Variants in ASCC2 observed in about 807,000 individuals in gnomAD.
ASCC2 encodes the protein ASC-1 complex subunit P100.
A neutral mutation model predicts 93.5 loss-of-function variants in ASCC2; 42 were observed. The ratio of observed to expected loss-of-function variants is 0.45; its 90% CI spans 0.35 to 0.58. The LOEUF is 0.58. Ranked by LOEUF, ASCC2 falls within the 20% of genes least tolerant of loss-of-function variation. The pLI is 0.00. For synonymous variants in ASCC2, 364 were observed against 384.2 expected (o/e 0.95, Z 0.62); for missense variants, 859 against 977.6 (o/e 0.88, Z 1.62).
Position 29,825,956 on chromosome 22 carries a change from C to T in ASCC2, c.82-176G>A, listed in dbSNP as rs2062247010. Reference sequence around the variant, plus strand: ...AGGGCATGGTTGCATTCAGCGAACACTAGGCGGTAATTAAAATCCATGTTT... The same window carrying T: ...AGGGCATGGTTGCATTCAGCGAACATTAGGCGGTAATTAAAATCCATGTTT... On this transcript the variant is annotated intron_variant, in intron 2 of 19. Coordinates refer to ENST00000307790, the MANE Select transcript of ASCC2 (RefSeq NM_032204.5). This position sits in a 1 kb window ranked among gnomAD's most constrained non-coding sequence, Gnocchi z 4.9. 1.6e-6 allele frequency: 1 copy of T among 614,792 alleles called. No homozygotes were observed. The highest frequency in any genetic ancestry group is 2.9e-5 in the East Asian group (1 of 34,526). 38.1% of individuals were successfully genotyped at this position (614,792 alleles called of 1,614,324 possible).
rs750094453 is a variant in ASCC2 at position 29,793,622 on chromosome 22, C to T, written c.1743G>A (p.Ala581=). 19 of 1,604,782 alleles carry T rather than the reference C, an allele frequency of 1.2e-5. 1 individual carries two copies. Among genetic ancestry groups the T allele is most frequent in the South Asian group, 1.1e-4 (10 of 89,902 alleles). Residue 581 remains alanine (A), a synonymous_variant, in exon 16 of 20, where the codon GCG becomes GCA. Coordinates refer to ENST00000307790, the MANE Select transcript of ASCC2 (RefSeq NM_032204.5). ...ACTGCTCGTAGCGCTGCCGCTGTGC[C>T]GCCACTGCACGCTTGTCGTTCAGCA... ...RSLLNDKRAV[A]AQRQRYEQYS...
rs748278181 is a variant in ASCC2, at chr22:29,789,153, C to T, written c.2134G>A (p.Gly712Ser). 8 of 1,614,150 alleles carry T rather than the reference C, an allele frequency of 5.0e-6. 1 individual carries two copies. The highest frequency in any genetic ancestry group is 3.3e-4 in the Middle Eastern group (2 of 6,062). The change falls in exon 20 of 20, where the codon GGC (glycine) becomes AGC (serine). Residue 712 changes from glycine to serine, a missense_variant. Gly to Ser is a moderately conservative substitution (Grantham distance 56). Transcript: ENST00000307790. The part of the protein sequence containing the change: ...YRHDSSTAVA[G>S]SPRGHGQSRE... Reference sequence around the variant, plus strand: ...CTCTGCCCATGGCCTCGGGGGCTGCCGGCCACTGCTGTTGAGCTGTCATGC... The same window carrying T: ...CTCTGCCCATGGCCTCGGGGGCTGCTGGCCACTGCTGTTGAGCTGTCATGC...
intron 2 of ASCC2, 140 bp downstream of exon 2, chr22:29,832,105 C>T: frequency 1.4e-6 from 1 of 697,412 alleles, no homozygotes; most frequent in East Asian, 2.8e-5. Context: ...CTGGAAGAGA[C>T]TAGTAGTGTC....
At chr22:29,820,488 A>C (rs901894368) in intron 5 of ASCC2, among the ~76,000 whole-genome samples, 9 of 152,128 alleles carry the variant, frequency 5.9e-5, no homozygotes, top group African/African-American at 2.2e-4. Context: ...ATTATGATCA[A>C]GTATGGTTTA....
intron 8 of ASCC2, among the ~76,000 whole-genome samples, chr22:29,813,205 T>C (rs1230917665): frequency 6.6e-6 from 1 of 152,114 alleles, no homozygotes; most frequent in Non-Finnish European, 1.5e-5. Context: ...GTGTATTTTT[T>C]TTCCCTGCCC....
At position 29,808,218 on chromosome 22, in the gene ASCC2, T is replaced by G. The variant is rs774175264; in HGVS notation, c.834-33A>C. 5.6e-6 allele frequency: 9 copies of G among 1,606,044 alleles called. No individual in the cohort carries two copies. In the South Asian group the frequency reaches 9.9e-5, roughly 18 times the overall value. The stretch of plus-strand genomic sequence containing the variant: ...GGCACACACAGGGAAAATGTTGGAT[T>G]AGTTCATAAATACCACACTTCATAA... On this transcript the variant is annotated intron_variant, in intron 8 of 19. Coordinates refer to ENST00000307790, the MANE Select transcript of ASCC2 (RefSeq NM_032204.5).
At chr22:29,836,468 A>G (rs995227306) in intron 1 of ASCC2, 1 of 151,308 alleles carries the variant, frequency 6.6e-6, no homozygotes, top group East Asian at 2.0e-4. Flanking sequence ...TTTAAGTATG[A>G]GACAGACATG....
chr22:29,809,489 T>C (rs2060053495), intron 8 of ASCC2, among the ~76,000 whole-genome samples: 1 of 152,050 alleles, frequency 6.6e-6, no homozygotes, highest in African/African-American at 2.4e-5. Flanking sequence ...AAAACTTTTA[T>C]AAAATTAAGG....
intron 8 of ASCC2, chr22:29,809,938 T>A: frequency 6.6e-6 from 1 of 152,178 alleles, no homozygotes; most frequent in East Asian, 1.9e-4. Context: ...GGTACATCCA[T>A]ATCTGTCACG....
intron 4 of ASCC2, 147 bp from the exon 5 acceptor site, chr22:29,822,611 C>A: frequency 4.0e-6 from 3 of 744,568 alleles, no homozygotes; most frequent in Non-Finnish European, 6.0e-6. Flanking sequence ...AATGGCCATT[C>A]TCCCCCCGCC....
intron 4 of ASCC2, among the ~76,000 whole-genome samples, chr22:29,824,872 T>C (rs1404506000): frequency 1.3e-5 from 2 of 152,184 alleles, no homozygotes; most frequent in Non-Finnish European, 2.9e-5. Context: ...CCCTCGGCTC[T>C]CTTTGATGGA....
Position 29,808,118 on chromosome 22 carries a change from C to T in ASCC2, c.901G>A (p.Asp301Asn), listed in dbSNP as rs765362649. ...ATTTTGTCCCCGCCTCACTTGCTAT[C>T]TTCAAGCCTCCTCTTCTTAATTGCA... ...ESAIKKRRLE[D>N]SKLLGDLWQR... Residue 301 changes from aspartate (D) to asparagine (N), a missense_variant, in exon 9 of 20, where the codon GAT (aspartate) becomes AAT (asparagine). Transcript: ENST00000307790. 53 of 1,614,246 alleles carry T rather than the reference C, an allele frequency of 3.3e-5. No homozygotes were observed. The South Asian group carries it at 5.8e-4, about 18-fold the overall frequency.
intron 2 of ASCC2, among the ~76,000 whole-genome samples, chr22:29,826,461 G>A (rs2062339074): frequency 6.6e-6 from 1 of 151,844 alleles, no homozygotes; most frequent in Non-Finnish European, 1.5e-5. Context: ...GACTACAGGT[G>A]CACACCACCA....
At chr22:29,815,654 A>G (rs2147999438) in intron 6 of ASCC2, among the ~76,000 whole-genome samples, 1 of 152,266 alleles carries the variant, frequency 6.6e-6, no homozygotes, top group Admixed American at 6.5e-5. Context: ...ACATTATTTC[A>G]TGAAATAATT....
chr22:29,822,384 G>A lies in ASCC2; in HGVS notation c.492C>T (p.Leu164=), dbSNP rs1951410849. ...AGTTGCCTTTTCCAAAGAGCACGCA[G>A]AGGTCCAGGATCTTTGGAATGTCAA... The part of the protein sequence containing the change: ...FLFDIPKILD[L]CVLFGKGNSP... Residue 164 remains leucine, a synonymous_variant, in exon 5 of 20, where the codon CTC becomes CTT. Coordinates refer to ENST00000307790, the MANE Select transcript of ASCC2 (RefSeq NM_032204.5). The A allele has an allele frequency of 2.5e-6, 4 of 1,614,122 alleles. No individual in the cohort carries two copies. Among genetic ancestry groups the A allele is most frequent in the Non-Finnish European group, 3.4e-6 (4 of 1,180,026 alleles).
rs1302294322 is a variant in ASCC2 at position 29,832,511 on chromosome 22, G to A, written c.-17-169C>T. The A allele has an allele frequency of 5.8e-6, 3 of 520,686 alleles. No individual in the cohort carries two copies. In the African/African-American group the frequency reaches 5.8e-5, roughly 10 times the overall value. 32.3% of individuals were successfully genotyped at this position (520,686 alleles called of 1,614,324 possible). A position where few individuals can be genotyped will look rare whatever the true frequency, so the allele number is the denominator to read the frequency against. ...ATGCACCTACTAACCCAGCCAAAGT[G>A]ACTTTTTTTGCATAAAGCAGTTCTC... On this transcript the variant is annotated intron_variant, in intron 1 of 19. Coordinates refer to ENST00000307790, the MANE Select transcript of ASCC2 (RefSeq NM_032204.5).
intron 19 of ASCC2, 119 bp from the exon 20 acceptor site, chr22:29,789,303 A>G: frequency 8.3e-7 from 1 of 1,206,448 alleles, no homozygotes; most frequent in South Asian, 1.4e-5. Flanking sequence ...CTGGTCACTC[A>G]TGTCCCAACT....
chr22:29,817,818 T>A (rs1864777840), intron 5 of ASCC2, among the ~76,000 whole-genome samples: 1 of 152,182 alleles, frequency 6.6e-6, no homozygotes, highest in Admixed American at 6.6e-5. Context: ...AATAAAAATG[T>A]AAGGAATAGC....
chr22:29,793,186 G>A (rs573362607), intron 17 of ASCC2, among the ~76,000 whole-genome samples, 174 bp downstream of exon 17: 1 of 152,274 alleles, frequency 6.6e-6, no homozygotes, highest in African/African-American at 2.4e-5. Context: ...GCATGACACC[G>A]AATAAATGCT....
Sources: allele counts gnomAD v4.1 joint callset (sites outside exome capture counted in the v4.1 genomes callset), GRCh38; gene constraint gnomAD v4.1.1; non-coding constraint Gnocchi (gnomAD v3.1); transcripts MANE v1.5; gene names NCBI Gene and HGNC (gene_info 2026-07-23, HGNC 2026-07-21).